ARSD: variants seen among roughly 807,000 people sequenced by gnomAD.
ARSD encodes the protein arylsulfatase D, also known as testis tissue sperm-binding protein Li 39a.
Under a neutral mutation model 32.6 loss-of-function variants are expected in ARSD, and 21 were observed. The ratio of observed to expected loss-of-function variants is 0.64; its 90% CI spans 0.46 to 0.93. The LOEUF (loss-of-function observed/expected upper bound fraction) is 0.93. Among genes scored for constraint, ARSD ranks in the 40% least tolerant of loss-of-function variants. ARSD has a pLI of 0.00. For missense variants in ARSD, 454 were observed against 520.9 expected (o/e 0.87, Z 1.25); for synonymous variants, 224 against 237.4 (o/e 0.94, Z 0.52).
rs2088843150 is a variant in ARSD, at chrX:2,905,088, A to G, written c.*2183T>C. 3.0e-6 allele frequency: 1 copy of G among 337,100 alleles called. No homozygotes were observed. The highest frequency in any genetic ancestry group is 2.7e-5 in the African/African-American group (1 of 36,923). The allele number at this position is 337,100 out of a possible 1,213,427, so 27.8% of individuals were successfully genotyped here. Reference sequence around the variant, plus strand: ...CTGTAGGATTTGGACACAGGGAGCCAGGGGAGAGGGGCATCAGCTGCCTGG... The same window carrying G: ...CTGTAGGATTTGGACACAGGGAGCCGGGGGAGAGGGGCATCAGCTGCCTGG... On this transcript the variant is annotated 3_prime_UTR_variant, in exon 10 of 10. Transcript: ENST00000381154.
At chrX:2,927,675 T>G (rs1276960924) in intron 1 of ARSD, among the ~76,000 whole-genome samples, 1 of 112,456 alleles carries the variant, frequency 8.9e-6, no homozygotes, top group East Asian at 2.8e-4. Context: ...GATAGTAGAC[T>G]GGCTGTCTGC....
chrX:2,904,963 C>A lies in ARSD; in HGVS notation c.*2308G>T. On this transcript the variant is annotated 3_prime_UTR_variant, in exon 10 of 10. Coordinates refer to ENST00000381154, the MANE Select transcript of ARSD (RefSeq NM_001669.4). Reference sequence around the variant, plus strand: ...GCCAGGTGTCTCCTGTGTGTCCCTCCAGATCCCTCTCCAGCCCTAGAAACC... The same window carrying A: ...GCCAGGTGTCTCCTGTGTGTCCCTCAAGATCCCTCTCCAGCCCTAGAAACC... 6 of 332,710 alleles carry A rather than the reference C, an allele frequency of 1.8e-5. No individual in the cohort carries two copies. Among genetic ancestry groups the A allele is most frequent in the South Asian group, 1.6e-4 (6 of 36,990 alleles). The allele number at this position is 332,710 out of a possible 1,213,427, so 27.4% of individuals were successfully genotyped here.
In ARSD at chrX:2,904,806, G is replaced by A. The variant is rs1390010086; in HGVS notation, c.*2465C>T. On this transcript the variant is annotated 3_prime_UTR_variant, in exon 10 of 10. Coordinates refer to ENST00000381154, the MANE Select transcript of ARSD (RefSeq NM_001669.4). ...GTTGGGATTGTTTGAATGGTTGAGCGTGAAAGACTTGTTATAATGGGCTTG... is the reference window on the plus strand; with the variant it reads ...GTTGGGATTGTTTGAATGGTTGAGCATGAAAGACTTGTTATAATGGGCTTG... The A allele has an allele frequency of 3.2e-5, 6 of 184,738 alleles. No individual in the cohort carries two copies. The highest frequency in any genetic ancestry group is 1.8e-4 in the East Asian group (1 of 5,519). 15.2% of individuals were successfully genotyped at this position (184,738 alleles called of 1,213,427 possible).
intron 6 of ARSD, among the ~76,000 whole-genome samples, chrX:2,911,260 C>G (rs1048799088): frequency 2.1e-4 from 23 of 111,065 alleles, no homozygotes; most frequent in Non-Finnish European, 3.8e-4. Flanking sequence ...GTAATCCCAG[C>G]TACTTGGGAG....
chrX:2,909,714 G>A, intron 8 of ARSD, 103 bp downstream of exon 8: 2 of 477,184 alleles, frequency 4.2e-6, no homozygotes, highest in Non-Finnish European at 3.1e-6. Flanking sequence ...GCTTATTTAT[G>A]TAACCAAATA....
intron 1 of ARSD, among the ~76,000 whole-genome samples, chrX:2,926,293 G>A (rs2089082088): frequency 9.0e-6 from 1 of 111,713 alleles, no homozygotes; most frequent in Admixed American, 9.6e-5. Flanking sequence ...GTTCTGGGGA[G>A]TTCCTTTAGT....
intron 1 of ARSD, among the ~76,000 whole-genome samples, chrX:2,927,019 G>A (rs1354496653): frequency 4.7e-5 from 5 of 106,993 alleles, no homozygotes; most frequent in Non-Finnish European, 3.9e-5. Flanking sequence ...GAGGGGACAC[G>A]GCTCTACTGG....
At chrX:2,913,056 C>T (rs1443327046) in intron 6 of ARSD, among the ~76,000 whole-genome samples, 1 of 111,979 alleles carries the variant, frequency 8.9e-6, no homozygotes, top group Non-Finnish European at 1.9e-5. Flanking sequence ...ATGTGCCCAC[C>T]GTGGCTGGGG....
At position 2,914,243 on chromosome X, in the gene ARSD, T is replaced by C. The variant is rs187130172; in HGVS notation, c.1000+1313A>G. The C allele has an allele frequency of 6.7e-6, 5 of 745,420 alleles. No homozygotes were observed. In the East Asian group the frequency reaches 7.6e-4, roughly 113 times the overall value. The allele number at this position is 745,420 out of a possible 1,213,427, so 61.4% of individuals were successfully genotyped here. ...TTCTTCGTCTTTTATTTCTTTTTTT[T>C]TTTGGAGACAGGGTCTTGCTATGTG... On this transcript the variant is annotated intron_variant, in intron 6 of 9. Transcript: ENST00000381154.
At chrX:2,923,622 G>A (rs2089053095) in intron 2 of ARSD, among the ~76,000 whole-genome samples, 1 of 111,882 alleles carries the variant, frequency 8.9e-6, no homozygotes, top group African/African-American at 3.2e-5. Context: ...TGTGTCCTCA[G>A]GTGGTCATTG....
intron 4 of ARSD, chrX:2,920,298 A>G: frequency 3.4e-6 from 1 of 293,834 alleles, no homozygotes; most frequent in South Asian, 4.2e-5. Context: ...AATAGGCATG[A>G]GATGGACCAG....
intron 5 of ARSD, among the ~76,000 whole-genome samples, chrX:2,916,131 CAAAAAA>C (rs55848346): frequency 2.6e-5 from 1 of 38,262 alleles, no homozygotes; most frequent in Non-Finnish European, 4.4e-5. Context: ...GACCCTGTCT[CAAAAAA>C]AAAAAAAAAA....
At position 2,918,053 on chromosome X, in the gene ARSD, T is replaced by A. The variant is rs1311623087; in HGVS notation, c.614A>T (p.Gln205Leu). ...GGTGAGAATCCCCAGCGCCAGGAAC[T>A]GGGTGTAACCCCAGAGCTGCGCCCT... ...ALRAQLWGYT[Q>L]FLALGILTLA... The change falls in exon 5 of 10, where the codon CAG becomes CTG. Residue 205 changes from glutamine (Q) to leucine (L), a missense_variant. Gln to Leu is a moderately radical substitution (Grantham distance 113, BLOSUM62 -2). Transcript: ENST00000381154. The A allele has an allele frequency of 1.7e-6, 2 of 1,202,925 alleles. No homozygotes were observed. Among genetic ancestry groups the A allele is most frequent in the South Asian group, 3.6e-5 (2 of 55,734 alleles).
intron 6 of ARSD, 61 bp from the exon 7 acceptor site, chrX:2,910,854 G>C: frequency 8.7e-7 from 1 of 1,147,462 alleles, no homozygotes; most frequent in Non-Finnish European, 1.2e-6. Flanking sequence ...CTAGTTCAAT[G>C]CGCTTCTTCC....
chrX:2,908,896 C>T, intron 8 of ARSD, 54 bp from the exon 9 acceptor site: 1 of 1,204,322 alleles, frequency 8.3e-7, no homozygotes, highest in Non-Finnish European at 1.1e-6. Flanking sequence ...TCCCAGGCAG[C>T]CTTTTGCACC....
In ARSD at chrX:2,904,529, G is replaced by A. The variant is rs1386163095; in HGVS notation, c.*2742C>T. 4.4e-5 allele frequency: 5 copies of A among 112,674 alleles called. No homozygotes were observed. The highest frequency in any genetic ancestry group is 9.3e-5 in the Non-Finnish European group (5 of 54,022). 9.3% of individuals were successfully genotyped at this position (112,674 alleles called of 1,213,427 possible). Reference sequence around the variant, plus strand: ...GCTGGTTCATGGCTCTCTTCTTCAGGTGGAGACTAACCAACTCCCTGACCT... The same window carrying A: ...GCTGGTTCATGGCTCTCTTCTTCAGATGGAGACTAACCAACTCCCTGACCT... On this transcript the variant is annotated 3_prime_UTR_variant, in exon 10 of 10. Coordinates refer to ENST00000381154, the MANE Select transcript of ARSD (RefSeq NM_001669.4).
chrX:2,917,362 G>T (rs1388590508), intron 5 of ARSD, among the ~76,000 whole-genome samples: 1 of 111,824 alleles, frequency 8.9e-6, no homozygotes, highest in Admixed American at 9.5e-5. Flanking sequence ...ACATGAAAAG[G>T]TTGGCTTCTG....
chrX:2,913,814 G>C (rs1419040077), intron 6 of ARSD: 1 of 762,061 alleles, frequency 1.3e-6, no homozygotes, highest in African/African-American at 2.3e-5. Flanking sequence ...GGCCTGGGGG[G>C]AGGTGACTGA....
chrX:2,924,424 A>G (rs1359434877), intron 2 of ARSD, among the ~76,000 whole-genome samples: 1 of 113,714 alleles, frequency 8.8e-6, no homozygotes, highest in Non-Finnish European at 1.9e-5. Flanking sequence ...GTTGGCAGCT[A>G]TTGAAAAGCA....
Sources: allele counts gnomAD v4.1 joint callset (sites outside exome capture counted in the v4.1 genomes callset), GRCh38; gene constraint gnomAD v4.1.1; transcripts MANE v1.5; gene names NCBI Gene and HGNC (gene_info 2026-07-23, HGNC 2026-07-21).